CMIP: variants seen among roughly 807,000 people sequenced by gnomAD.
CMIP encodes the protein C-Maf-inducing protein.
CMIP carries 13 observed loss-of-function variants against 97.3 expected under a neutral mutation model. The ratio of observed to expected loss-of-function variants is 0.13; its 90% CI spans 0.09 to 0.21. The LOEUF (loss-of-function observed/expected upper bound fraction) is 0.21, where lower values mean the gene tolerates loss of function less well. CMIP is among the 10% of genes least tolerant of loss of function. The pLI is 1.00. For synonymous variants in CMIP, 538 were observed against 436.3 expected, an observed-to-expected ratio of 1.23 and a Z score of -2.91; for missense variants, 847 against 1,024.9, an observed-to-expected ratio of 0.83 and a Z score of 2.37.
intron 20 of CMIP, among the ~76,000 whole-genome samples, chr16:81,708,835 C>T (rs1446554690): frequency 6.6e-6 from 1 of 152,184 alleles, no homozygotes; most frequent in Non-Finnish European, 1.5e-5. Flanking sequence ...CAGTGGGGAG[C>T]CATTGAGGGT....
intron 1 of CMIP, among the ~76,000 whole-genome samples, chr16:81,539,272 G>T (rs889923275): frequency 3.9e-5 from 6 of 152,230 alleles, no homozygotes; most frequent in Admixed American, 6.5e-5. Context: ...CAGCCCGGCA[G>T]TCTGAAGGTT....
intron 1 of CMIP, among the ~76,000 whole-genome samples, chr16:81,537,897 G>A (rs1268384185): frequency 1.3e-5 from 2 of 151,440 alleles, no homozygotes; most frequent in East Asian, 2.0e-4. Flanking sequence ...TGAAGGTGTC[G>A]GGGAACTCAC....
intron 1 of CMIP, among the ~76,000 whole-genome samples, chr16:81,550,512 C>T (rs915270530): frequency 5.3e-5 from 8 of 152,172 alleles, no homozygotes; most frequent in Non-Finnish European, 1.2e-4. Flanking sequence ...CAGCACTGGG[C>T]AGGATGGTGT....
chr16:81,639,975 G>C (rs2150986817), intron 3 of CMIP, among the ~76,000 whole-genome samples: 1 of 152,332 alleles, frequency 6.6e-6, no homozygotes, highest in Non-Finnish European at 1.5e-5. Context: ...GGTGTCGGCT[G>C]ATGTACAGCT....
chr16:81,692,350 CCT>C (rs1188091864), intron 11 of CMIP, among the ~76,000 whole-genome samples: 3 of 152,242 alleles, frequency 2.0e-5, no homozygotes, highest in South Asian at 4.1e-4. Context: ...AGACCCTCTG[CCT>C]CTCTCTTGCC....
intron 3 of CMIP, chr16:81,630,062 A>G (rs1360844775): frequency 6.6e-6 from 1 of 152,152 alleles, no homozygotes; most frequent in Admixed American, 6.5e-5. Context: ...CCAGGTTCCA[A>G]CCCTGATCCA....
chr16:81,588,802 G>A (rs917766462), intron 1 of CMIP, among the ~76,000 whole-genome samples: 3 of 152,132 alleles, frequency 2.0e-5, no homozygotes, highest in Admixed American at 2.0e-4. Context: ...CATTCATTGA[G>A]CACTTACCAT....
intron 1 of CMIP, among the ~76,000 whole-genome samples, chr16:81,482,067 CA>C (rs2089233291): frequency 6.6e-6 from 1 of 152,054 alleles, no homozygotes. Flanking sequence ...TTAGCAGAGA[CA>C]GCGTTTCACC....
chr16:81,603,882 A>T (rs2091698614), intron 1 of CMIP, among the ~76,000 whole-genome samples: 1 of 152,232 alleles, frequency 6.6e-6, no homozygotes, highest in Non-Finnish European at 1.5e-5. Context: ...TACTGTGCTG[A>T]GTCCTTGATA....
chr16:81,512,016 C>T (rs1256713913), intron 1 of CMIP, among the ~76,000 whole-genome samples: 1 of 152,156 alleles, frequency 6.6e-6, no homozygotes, highest in East Asian at 1.9e-4. Context: ...TATACAGTAT[C>T]TCACTACTCA....
intron 20 of CMIP, among the ~76,000 whole-genome samples, chr16:81,708,910 G>A (rs1908451898): frequency 6.6e-6 from 1 of 152,230 alleles, no homozygotes; most frequent in Non-Finnish European, 1.5e-5. Flanking sequence ...GTGTGTTCAT[G>A]CATACATACG....
At chr16:81,573,501 G>A (rs1159966609) in intron 1 of CMIP, among the ~76,000 whole-genome samples, 1 of 152,128 alleles carries the variant, frequency 6.6e-6, no homozygotes, top group South Asian at 2.1e-4. Context: ...TCCACCTTTG[G>A]CCTGGGATGC....
chr16:81,637,915 A>T (rs1189824580), intron 3 of CMIP, among the ~76,000 whole-genome samples: 1 of 152,202 alleles, frequency 6.6e-6, no homozygotes, highest in East Asian at 1.9e-4. Context: ...TGTGTCTCAC[A>T]TGGGAAGGGG....
At chr16:81,608,711 T>C (rs2091783524) in intron 2 of CMIP, among the ~76,000 whole-genome samples, 1 of 150,894 alleles carries the variant, frequency 6.6e-6, no homozygotes, top group African/African-American at 2.4e-5. Flanking sequence ...ACGACCACGG[T>C]CACACATACA....
chr16:81,513,997 C>T (rs2089862514), intron 1 of CMIP, among the ~76,000 whole-genome samples: 1 of 151,910 alleles, frequency 6.6e-6, no homozygotes, highest in South Asian at 2.1e-4. Flanking sequence ...CATGGGGTTT[C>T]CGTTGTGGTT....
At chr16:81,488,836 C>T (rs963319240) in intron 1 of CMIP, among the ~76,000 whole-genome samples, 1 of 152,098 alleles carries the variant, frequency 6.6e-6, no homozygotes, top group Non-Finnish European at 1.5e-5. Flanking sequence ...TCTGGCAGAG[C>T]GATGTAGTTG....
At chr16:81,524,847 G>T (rs1448352980) in intron 1 of CMIP, among the ~76,000 whole-genome samples, 8 of 150,366 alleles carry the variant, frequency 5.3e-5, no homozygotes, top group Admixed American at 5.3e-4. Context: ...AGGCTGGAGT[G>T]CAGTGTTGCT....
chr16:81,487,646 C>T (rs1032424784), intron 1 of CMIP, among the ~76,000 whole-genome samples: 1 of 152,354 alleles, frequency 6.6e-6, no homozygotes, highest in South Asian at 2.1e-4. Flanking sequence ...CTCTGTGACA[C>T]TGGGCAAGTC....
chr16:81,702,909 C>G (rs1028505225), intron 17 of CMIP, among the ~76,000 whole-genome samples: 2 of 152,140 alleles, frequency 1.3e-5, no homozygotes, highest in African/African-American at 4.8e-5. Flanking sequence ...GTGTTGATAT[C>G]TAGTTATTAA....
Sources: allele counts gnomAD v4.1 joint callset (sites outside exome capture counted in the v4.1 genomes callset), GRCh38; gene constraint gnomAD v4.1.1; transcripts MANE v1.5; gene names NCBI Gene and HGNC (gene_info 2026-07-23, HGNC 2026-07-21).